HS2ST1: variants seen among roughly 807,000 people sequenced by gnomAD.
HS2ST1 encodes 2-O-sulfotransferase.
A neutral mutation model predicts 42.9 loss-of-function variants in HS2ST1; 18 were observed. That is an observed-to-expected ratio of 0.42 (90% CI 0.29 to 0.62). The LOEUF (loss-of-function observed/expected upper bound fraction) is 0.62. Among genes scored for constraint, HS2ST1 ranks in the 20% least tolerant of loss-of-function variants. HS2ST1 has a pLI of 0.21. For synonymous variants in HS2ST1, 146 were observed against 152.9 expected, an observed-to-expected ratio of 0.95 and a Z score of 0.33; for missense variants, 334 against 433.8, an observed-to-expected ratio of 0.77 and a Z score of 2.04.
At chr1:86,956,408 A>C (rs944044565) in intron 1 of HS2ST1, 4 of 152,350 alleles carry the variant, frequency 2.6e-5, no homozygotes, top group African/African-American at 7.2e-5. Flanking sequence ...AAGTCCTCAA[A>C]GTTCTTTAAA....
chr1:87,071,752 T>A (rs1247547800), intron 1 of HS2ST1, among the ~76,000 whole-genome samples: 2 of 150,332 alleles, frequency 1.3e-5, no homozygotes, highest in Non-Finnish European at 3.0e-5. Flanking sequence ...AAAAAGATGA[T>A]TTGACCTAGT....
intron 1 of HS2ST1, among the ~76,000 whole-genome samples, chr1:86,939,613 C>T (rs1342993655): frequency 6.6e-6 from 1 of 152,232 alleles, no homozygotes; most frequent in African/African-American, 2.4e-5. Context: ...GCATGTGTCC[C>T]ACCCTTGGAA....
chr1:86,949,174 TCTCAGCTCACTACAA>T (rs1647427705), intron 1 of HS2ST1, among the ~76,000 whole-genome samples: 1 of 152,174 alleles, frequency 6.6e-6, no homozygotes, highest in Non-Finnish European at 1.5e-5. Context: ...AATGCTGTGA[TCTCAGCTCACTACAA>T]CCTCTGCCTC....
At chr1:86,928,491 G>A (rs1005045908) in intron 1 of HS2ST1, among the ~76,000 whole-genome samples, 3 of 151,850 alleles carry the variant, frequency 2.0e-5, no homozygotes, top group African/African-American at 7.2e-5. Flanking sequence ...TTAAGAAAGT[G>A]CCTCCAATTG....
intron 4 of HS2ST1, among the ~76,000 whole-genome samples, chr1:87,096,352 CATACTG>C (rs1351275871): frequency 6.6e-6 from 1 of 152,130 alleles, no homozygotes; most frequent in East Asian, 1.9e-4. Context: ...TCATTTGGAA[CATACTG>C]GTTCACTGAG....
chr1:86,967,868 T>A (rs1017326780), intron 1 of HS2ST1, among the ~76,000 whole-genome samples: 1 of 152,202 alleles, frequency 6.6e-6, no homozygotes, highest in Admixed American at 6.5e-5. Flanking sequence ...CTTTAAGGAA[T>A]CTCCGTACTG....
chr1:87,041,475 A>C (rs1650525139), intron 1 of HS2ST1, among the ~76,000 whole-genome samples: 1 of 152,156 alleles, frequency 6.6e-6, no homozygotes, highest in African/African-American at 2.4e-5. Flanking sequence ...CCCGCCCTTA[A>C]CAAAATTTTA....
At chr1:87,061,197 GTTA>G (rs1651111946) in intron 1 of HS2ST1, among the ~76,000 whole-genome samples, 2 of 152,094 alleles carry the variant, frequency 1.3e-5, no homozygotes, top group African/African-American at 2.4e-5. Context: ...TGTTTTTAAT[GTTA>G]TTATTAAAAT....
chr1:86,995,263 A>G (rs1013423046), intron 1 of HS2ST1, among the ~76,000 whole-genome samples: 8 of 152,298 alleles, frequency 5.3e-5, no homozygotes, highest in South Asian at 4.1e-4. Context: ...AATGTAAGCT[A>G]TTTACCCTAA....
chr1:86,992,460 G>C (rs562466803), intron 1 of HS2ST1, among the ~76,000 whole-genome samples: 1 of 151,584 alleles, frequency 6.6e-6, no homozygotes, highest in Non-Finnish European at 1.5e-5. Flanking sequence ...TCCACCTCCC[G>C]GGTCCAAGAG....
chr1:87,033,922 A>G (rs1650304330), intron 1 of HS2ST1, among the ~76,000 whole-genome samples: 1 of 152,232 alleles, frequency 6.6e-6, no homozygotes, highest in Non-Finnish European at 1.5e-5. Flanking sequence ...ATAACAGTAT[A>G]CCACCACAGT....
intron 1 of HS2ST1, among the ~76,000 whole-genome samples, chr1:86,989,493 G>A (rs1172142485): frequency 1.3e-5 from 2 of 152,164 alleles, no homozygotes; most frequent in South Asian, 2.1e-4. Flanking sequence ...TTCAAAAGAA[G>A]CAATAAAAAT....
chr1:87,037,552 A>G (rs1650410796), intron 1 of HS2ST1, among the ~76,000 whole-genome samples: 1 of 151,806 alleles, frequency 6.6e-6, no homozygotes, highest in South Asian at 2.1e-4. Flanking sequence ...CTAAAATTAC[A>G]TCAATAATAT....
chr1:87,023,659 A>C (rs1650007733), intron 1 of HS2ST1, among the ~76,000 whole-genome samples: 2 of 152,196 alleles, frequency 1.3e-5, no homozygotes, highest in Non-Finnish European at 2.9e-5. Flanking sequence ...AACAGGTAGC[A>C]TAGTGCCTAG....
intron 5 of HS2ST1, among the ~76,000 whole-genome samples, chr1:87,101,149 G>GTGTTTTTTTTTTTTT (rs1557546421): frequency 1.7e-5 from 1 of 59,540 alleles, no homozygotes; most frequent in Non-Finnish European, 3.0e-5. Context: ...GTGTGTGTGT[G>GTGTTTTTTTTTTTTT]TTTTTTGTTT....
rs1652357500 is a variant in HS2ST1, at chr1:87,107,672, GAAGAA to G, written c.*2981_*2985del. ...ATATATATATGTTTATTTCCTAAAAGAAGAAAAGATACCTTTCTGTTCAACTTGTA... is the reference window on the plus strand; with the variant it reads ...ATATATATATGTTTATTTCCTAAAAGAAGATACCTTTCTGTTCAACTTGTA... On this transcript the variant is annotated 3_prime_UTR_variant, in exon 7 of 7. Coordinates refer to ENST00000370550, the MANE Select transcript of HS2ST1 (RefSeq NM_012262.4). The G allele has an allele frequency of 2.0e-5, 3 of 151,144 alleles. No homozygotes were observed. The highest frequency in any genetic ancestry group is 2.0e-4 in the Admixed American group (3 of 15,160). The allele number at this position is 151,144 out of a possible 1,614,324, so 9.4% of individuals were successfully genotyped here.
At chr1:86,917,734 A>G (rs890629455) in intron 1 of HS2ST1, among the ~76,000 whole-genome samples, 87 of 152,312 alleles carry the variant, frequency 5.7e-4, no homozygotes, top group African/African-American at 2.1e-3. Context: ...TAGGTATTTG[A>G]ATAGAGTTTT....
At chr1:87,011,526 A>C (rs1337095844) in intron 1 of HS2ST1, among the ~76,000 whole-genome samples, 2 of 152,192 alleles carry the variant, frequency 1.3e-5, no homozygotes, top group African/African-American at 2.4e-5. Flanking sequence ...TACAGGCATG[A>C]GCCACTGTGC....
chr1:87,038,528 C>G lies in HS2ST1; in HGVS notation c.125-34406C>G, dbSNP rs552419295. ...CTAAAGCTAAGCATGTTGTATGTAA[C>G]AGAAGTTATTCTGGAAAGTCCTGCA... On this transcript the variant is annotated intron_variant, in intron 1 of 6. Coordinates refer to ENST00000370550, the MANE Select transcript of HS2ST1 (RefSeq NM_012262.4). 1.0e-3 allele frequency among the ~76,000 whole-genome samples: 153 copies of G among 152,142 alleles called. 4 individuals are homozygous for G. In the South Asian group the frequency reaches 0.03, roughly 30 times the overall value.
Sources: gnomAD v4.1 joint callset for allele counts (sites outside exome capture counted in the v4.1 genomes callset) on GRCh38, gnomAD v4.1.1 for gene constraint, MANE v1.5 for transcripts, NCBI Gene and HGNC (gene_info 2026-07-23, HGNC 2026-07-21) for gene names.